TNFRSF21: variants seen among roughly 807,000 people sequenced by gnomAD.
TNFRSF21 encodes TNF receptor superfamily member 21.
A neutral mutation model predicts 45.6 loss-of-function variants in TNFRSF21; 19 were observed. That is an observed-to-expected ratio of 0.42 (90% CI 0.29 to 0.61). TNFRSF21 has a LOEUF of 0.61. TNFRSF21 is among the 20% of genes least tolerant of loss of function. TNFRSF21 has a pLI of 0.23. For synonymous variants in TNFRSF21, 314 were observed against 335.5 expected (o/e 0.94, Z 0.70); for missense variants, 737 against 851.5 (o/e 0.87, Z 1.67).
chr6:47,249,698 A>G (rs2113848490), intron 4 of TNFRSF21, among the ~76,000 whole-genome samples: 1 of 152,352 alleles, frequency 6.6e-6, no homozygotes, highest in Non-Finnish European at 1.5e-5. Context: ...ATTCATGAAA[A>G]CAAAAGCGAA....
chr6:47,253,132 G>C, intron 4 of TNFRSF21, 124 bp downstream of exon 4: 1 of 672,834 alleles, frequency 1.5e-6, no homozygotes. Context: ...AGGCGTATGC[G>C]TGTGTGTGTG....
intron 3 of TNFRSF21, among the ~76,000 whole-genome samples, chr6:47,264,545 T>TCACCCTATTAATTAATTAATATGCAATTC (rs1762301131): frequency 6.6e-6 from 1 of 152,020 alleles, no homozygotes; most frequent in Non-Finnish European, 1.5e-5. Context: ...ATTAATAGCT[T>TCACCCTATTAATTAATTAATATGCAATTC]CACCCTAAAG....
At chr6:47,268,733 C>A (rs1762371222) in intron 3 of TNFRSF21, among the ~76,000 whole-genome samples, 1 of 152,156 alleles carries the variant, frequency 6.6e-6, no homozygotes, top group Non-Finnish European at 1.5e-5. Flanking sequence ...GGAACCATTA[C>A]CGGTGTCATC....
intron 1 of TNFRSF21, 121 bp downstream of exon 1, chr6:47,309,295 T>A (rs1397107490): frequency 2.2e-6 from 3 of 1,373,502 alleles, no homozygotes; most frequent in Non-Finnish European, 9.5e-7. Flanking sequence ...TCAGTGCCCG[T>A]AACCCAGTCG....
intron 1 of TNFRSF21, among the ~76,000 whole-genome samples, chr6:47,294,394 A>C (rs1762768100): frequency 6.6e-6 from 1 of 152,214 alleles, no homozygotes; most frequent in Non-Finnish European, 1.5e-5. Context: ...CGCCTGCCTC[A>C]GCCTTCCAAA....
intron 3 of TNFRSF21, among the ~76,000 whole-genome samples, chr6:47,274,950 C>T (rs1040786109): frequency 5.9e-5 from 9 of 152,194 alleles, no homozygotes; most frequent in Non-Finnish European, 1.2e-4. Flanking sequence ...TACCATCTTA[C>T]TCCAGTTAGA....
Position 47,253,442 on chromosome 6 carries a change from A to G in TNFRSF21, c.1323T>C (p.Ser441=). The G allele has an allele frequency of 6.2e-7, 1 of 1,614,120 alleles. No homozygotes were observed. The highest frequency in any genetic ancestry group is 8.5e-7 in the Non-Finnish European group (1 of 1,180,028). The change falls in exon 4 of 6, where the codon AGT becomes AGC. Residue 441 remains serine, a synonymous_variant. Coordinates refer to ENST00000296861, the MANE Select transcript of TNFRSF21 (RefSeq NM_014452.5). Reference sequence around the variant, plus strand: ...TGGAGAAAGCAGCAACCTCCCTCTCACTGGCATTGCAAAGAAACTGATAGA... The same window carrying G: ...TGGAGAAAGCAGCAACCTCCCTCTCGCTGGCATTGCAAAGAAACTGATAGA... ...KDIYQFLCNA[S]EREVAAFSNG...
chr6:47,288,049 A>G (rs1336574811), intron 1 of TNFRSF21, among the ~76,000 whole-genome samples: 2 of 152,236 alleles, frequency 1.3e-5, no homozygotes, highest in African/African-American at 4.8e-5. Context: ...CTCCTAGTAT[A>G]TACACACATG....
rs16875822 is a variant in TNFRSF21 at position 47,256,082 on chromosome 6, G to A, written c.1244-2561C>T. Among the ~76,000 whole-genome samples, 413 of 152,296 alleles carry A rather than the reference G, an allele frequency of 2.7e-3. 6 individuals carry two copies. Among genetic ancestry groups the A allele is most frequent in the African/African-American group, 9.7e-3 (405 of 41,562 alleles). ...AAAAGTTTCTGTAAAAACGAAGGACGCTGTGGCTCCTCAACACGCATTCTT... is the reference window on the plus strand; with the variant it reads ...AAAAGTTTCTGTAAAAACGAAGGACACTGTGGCTCCTCAACACGCATTCTT... On this transcript the variant is annotated intron_variant, in intron 3 of 5. Transcript: ENST00000296861.
intron 3 of TNFRSF21, among the ~76,000 whole-genome samples, chr6:47,259,472 T>A (rs1318334082): frequency 6.6e-6 from 1 of 152,052 alleles, no homozygotes; most frequent in Non-Finnish European, 1.5e-5. Flanking sequence ...CCTCCTGGGT[T>A]CAAGAGATTC....
chr6:47,298,284 T>TAA (rs558717941), intron 1 of TNFRSF21, among the ~76,000 whole-genome samples: 63 of 74,406 alleles, frequency 8.5e-4, no homozygotes, highest in African/African-American at 2.7e-3. Context: ...TACAAAAAAT[T>TAA]AAAAAAAAAA....
intron 3 of TNFRSF21, among the ~76,000 whole-genome samples, chr6:47,271,847 A>T (rs187410570): frequency 7.2e-5 from 11 of 152,290 alleles, no homozygotes; most frequent in Admixed American, 7.2e-4. Flanking sequence ...AAAGCAAAAA[A>T]AAAGTAGGGG....
At chr6:47,289,704 A>T (rs896684721) in intron 1 of TNFRSF21, among the ~76,000 whole-genome samples, 1 of 152,174 alleles carries the variant, frequency 6.6e-6, no homozygotes, top group Non-Finnish European at 1.5e-5. Context: ...ACATTTGTCA[A>T]GAATACCAGC....
intron 3 of TNFRSF21, among the ~76,000 whole-genome samples, chr6:47,279,531 C>T (rs916182516): frequency 1.3e-5 from 2 of 152,046 alleles, no homozygotes; most frequent in African/African-American, 2.4e-5. Context: ...TCTTTTGTGA[C>T]AAAACAGATC....
At chr6:47,252,916 T>C (rs1215458895) in intron 4 of TNFRSF21, among the ~76,000 whole-genome samples, 2 of 152,160 alleles carry the variant, frequency 1.3e-5, no homozygotes, top group African/African-American at 4.8e-5. Context: ...GTTCAAAGTG[T>C]GTCATGCAAA....
chr6:47,262,114 A>G (rs1470010997), intron 3 of TNFRSF21, among the ~76,000 whole-genome samples: 1 of 152,236 alleles, frequency 6.6e-6, no homozygotes, highest in Non-Finnish European at 1.5e-5. Flanking sequence ...GTAAGCTCAG[A>G]TGAACCTTGG....
chr6:47,238,210 A>AGG (rs1764688864), intron 4 of TNFRSF21, among the ~76,000 whole-genome samples: 2 of 152,242 alleles, frequency 1.3e-5, no homozygotes, highest in Non-Finnish European at 2.9e-5. Context: ...GCCAAGAAAC[A>AGG]GGGTAACAGG....
At chr6:47,280,623 G>C (rs907029552) in intron 3 of TNFRSF21, among the ~76,000 whole-genome samples, 4 of 152,192 alleles carry the variant, frequency 2.6e-5, no homozygotes, top group African/African-American at 4.8e-5. Context: ...TCACAGACGA[G>C]TAGGATCAGG....
At chr6:47,257,376 T>C (rs1765003268) in intron 3 of TNFRSF21, among the ~76,000 whole-genome samples, 1 of 152,242 alleles carries the variant, frequency 6.6e-6, no homozygotes, top group Non-Finnish European at 1.5e-5. Context: ...GTCAACTCCA[T>C]GAACTGGCTG....
Sources: gnomAD v4.1 joint callset for allele counts (sites outside exome capture counted in the v4.1 genomes callset) on GRCh38, gnomAD v4.1.1 for gene constraint, MANE v1.5 for transcripts, NCBI Gene and HGNC (gene_info 2026-07-23, HGNC 2026-07-21) for gene names.